Variants in PADI2 observed in about 807,000 individuals in gnomAD.
PADI2 encodes the protein peptidyl arginine deiminase 2.
In PADI2, 70 loss-of-function variants were observed where a neutral mutation model predicts 81.1. The ratio of observed to expected loss-of-function variants is 0.86; its 90% CI spans 0.71 to 1.05. PADI2 has a LOEUF of 1.05. Among genes scored for constraint, PADI2 ranks in the 50% least tolerant of loss-of-function variants. The pLI is 0.00. For synonymous variants in PADI2, 338 were observed against 358.0 expected, an observed-to-expected ratio of 0.94 and a Z score of 0.63; for missense variants, 853 against 889.9, an observed-to-expected ratio of 0.96 and a Z score of 0.53.
At chr1:17,085,591 C>G (rs1050032181) in intron 7 of PADI2, among the ~76,000 whole-genome samples, 1 of 152,204 alleles carries the variant, frequency 6.6e-6, no homozygotes, top group African/African-American at 2.4e-5. Flanking sequence ...AACTTTTGGA[C>G]GTTCTGTCTT....
Position 17,083,624 on chromosome 1 carries a change from C to T in PADI2, c.1050+102G>A, listed in dbSNP as rs186162907. ...AGATATGAGCTGACAGAAGAATCCC[C>T]ATCTGCAGAGCTGCTGGGTGCCAGG... On this transcript the variant is annotated intron_variant, in intron 9 of 15. Coordinates refer to ENST00000375486, the MANE Select transcript of PADI2 (RefSeq NM_007365.3). 15 of 741,210 alleles carry T rather than the reference C, an allele frequency of 2.0e-5. 1 individual carries two copies. The African/African-American group carries it at 2.1e-4, about 10-fold the overall frequency. 45.9% of individuals were successfully genotyped at this position (741,210 alleles called of 1,614,324 possible).
chr1:17,104,938 C>T lies in PADI2; in HGVS notation c.216G>A (p.Ser72=), dbSNP rs760034590. 23 of 1,606,086 alleles carry T rather than the reference C, an allele frequency of 1.4e-5. No homozygotes were observed. Among genetic ancestry groups the T allele is most frequent in the East Asian group, 6.7e-5 (3 of 44,760 alleles). Residue 72 remains serine, a synonymous_variant, in exon 2 of 16, where the codon TCG becomes TCA. Coordinates refer to ENST00000375486, the MANE Select transcript of PADI2 (RefSeq NM_007365.3). ...ATNGKQRWLL[S]PSTTLRVTMS... ...TGGTGACCCGCAGGGTGGTGCTGGG[C>T]GAGAGAAGCCAGCGCTGCTTGCCAT... is the stretch of plus-strand genomic sequence containing the variant.
rs117981581 is a variant in PADI2 at position 17,112,706 on chromosome 1, G to A, written c.92+6574C>T. On this transcript the variant is annotated intron_variant, in intron 1 of 15. Coordinates refer to ENST00000375486, the MANE Select transcript of PADI2 (RefSeq NM_007365.3). ...GGGATCAGTGGAGGCAAACAATGAC[G>A]TCTGCCTTCAGCCAGCTTCCCTCAC... 1.2e-3 allele frequency among the ~76,000 whole-genome samples: 186 copies of A among 152,284 alleles called. 1 individual carries two copies. The East Asian group carries it at 0.026, about 22-fold the overall frequency.
At chr1:17,090,775 C>G (rs1034310107) in intron 6 of PADI2, among the ~76,000 whole-genome samples, 1 of 151,998 alleles carries the variant, frequency 6.6e-6, no homozygotes, top group African/African-American at 2.4e-5. Context: ...AGTAGTTCCT[C>G]TTTTTTCTTG....
intron 10 of PADI2, among the ~76,000 whole-genome samples, chr1:17,079,918 C>G (rs752832896): frequency 4.6e-5 from 7 of 151,868 alleles, no homozygotes; most frequent in African/African-American, 9.7e-5. Flanking sequence ...CTCAGCCTCC[C>G]CAGTGGCTAG....
At position 17,095,897 on chromosome 1, in the gene PADI2, A is replaced by C; in HGVS notation, c.411+12T>G. 1 of 1,605,340 alleles carries C rather than the reference A, an allele frequency of 6.2e-7. No individual in the cohort carries two copies. Among genetic ancestry groups the C allele is most frequent in the Non-Finnish European group, 8.5e-7 (1 of 1,175,316 alleles). On this transcript the variant is annotated intron_variant, in intron 4 of 15. Transcript: ENST00000375486. The stretch of plus-strand genomic sequence containing the variant: ...TGGGTTCAGGGTGGTGCCTGCCCTG[A>C]AAGCTAGGTACCTTCTTTGGGTTGT...
intron 3 of PADI2, among the ~76,000 whole-genome samples, chr1:17,102,199 G>A (rs1931167464): frequency 6.6e-6 from 1 of 152,204 alleles, no homozygotes; most frequent in African/African-American, 2.4e-5. Flanking sequence ...CCTCTGAAAT[G>A]TCCTCTTGGC....
chr1:17,082,676 G>A (rs2078353381), intron 9 of PADI2, 24 bp from the exon 10 acceptor site: 2 of 1,418,014 alleles, frequency 1.4e-6, no homozygotes, highest in Non-Finnish European at 2.0e-6. Flanking sequence ...AAGGAGAACT[G>A]TTAGACGAAT....
At chr1:17,101,043 G>A (rs1464551820) in intron 3 of PADI2, among the ~76,000 whole-genome samples, 3 of 151,918 alleles carry the variant, frequency 2.0e-5, no homozygotes, top group East Asian at 3.9e-4. Flanking sequence ...TGGGGGGTGG[G>A]GGCAGGGGAC....
Position 17,104,890 on chromosome 1 carries a change from G to A in PADI2, c.264C>T (p.Ala88=). The A allele has an allele frequency of 6.3e-7, 1 of 1,578,238 alleles. No homozygotes were observed. The highest frequency in any genetic ancestry group is 8.6e-7 in the Non-Finnish European group (1 of 1,161,380). ...CCCGCCGTGGTACCTTGTCACTGCT[G>A]GCCTCGGTGCTCGCCTGGCTCATGG... ...RVTMSQASTE[A]SSDKVTVNYY... is the part of the protein sequence containing the mutation. The change falls in exon 2 of 16, where the codon GCC becomes GCT. Residue 88 remains alanine, a synonymous_variant. Coordinates refer to ENST00000375486, the MANE Select transcript of PADI2 (RefSeq NM_007365.3).
intron 10 of PADI2, 100 bp from the exon 11 acceptor site, chr1:17,079,515 G>T: frequency 9.9e-7 from 1 of 1,014,564 alleles, no homozygotes; most frequent in Non-Finnish European, 1.5e-6. Context: ...GGGTCTGTGG[G>T]CACCCAGTTT....
intron 6 of PADI2, among the ~76,000 whole-genome samples, chr1:17,087,958 G>C (rs1025359509): frequency 6.6e-6 from 1 of 152,244 alleles, no homozygotes; most frequent in African/African-American, 2.4e-5. Context: ...GAGACCAAGG[G>C]GGAATTTTCA....
chr1:17,086,436 G>T, intron 7 of PADI2, 85 bp downstream of exon 7: 1 of 1,159,866 alleles, frequency 8.6e-7, no homozygotes, highest in Non-Finnish European at 1.2e-6. Flanking sequence ...GCAGGGTGGA[G>T]CATAGCATAG....
chr1:17,074,676 G>A (rs2078288356), intron 13 of PADI2, among the ~76,000 whole-genome samples, 180 bp downstream of exon 13: 1 of 152,338 alleles, frequency 6.6e-6, no homozygotes, highest in Middle Eastern at 3.4e-3. Flanking sequence ...CACAGCAAGG[G>A]TCACAGGAGG....
At chr1:17,071,574 T>C (rs875218) in intron 13 of PADI2, 83 bp from the exon 14 acceptor site, 683,563 of 1,081,778 alleles carry the variant, frequency 0.63, 218,266 homozygotes, top group Middle Eastern at 0.72. Flanking sequence ...CCTCCAGGCC[T>C]GGGCTAACTG....
At chr1:17,086,767 C>T (rs1158583510) in intron 6 of PADI2, 68 bp from the exon 7 acceptor site, 8 of 1,400,792 alleles carry the variant, frequency 5.7e-6, no homozygotes, top group South Asian at 3.7e-5. Flanking sequence ...GTGGGATCAC[C>T]GATGGGGACA....
Position 17,074,493 on chromosome 1 carries a change from C to T in PADI2, c.1549+363G>A, listed in dbSNP as rs115645027. 3.5e-3 allele frequency among the ~76,000 whole-genome samples: 534 copies of T among 152,270 alleles called. 2 individuals carry two copies. Among genetic ancestry groups the T allele is most frequent in the Non-Finnish European group, 5.3e-3 (361 of 68,008 alleles). On this transcript the variant is annotated intron_variant, in intron 13 of 15. Transcript: ENST00000375486. Reference sequence around the variant, plus strand: ...CAAGTGATCCTCTTTCTTCAGCCTCCAAAGGTGTTGGAATTGTAGGCATGA... The same window carrying T: ...CAAGTGATCCTCTTTCTTCAGCCTCTAAAGGTGTTGGAATTGTAGGCATGA...
In PADI2 at chr1:17,091,495, C is replaced by T. The variant is rs374427164; in HGVS notation, c.655+913G>A. ...CAGTCTGCATGCTCTGGCCCCTGGC[C>T]GAGCTGACTGACCTTGACTCCCAGC... On this transcript the variant is annotated intron_variant, in intron 6 of 15. Transcript: ENST00000375486. Among the ~76,000 whole-genome samples the T allele has an allele frequency of 4.7e-4, 71 of 152,224 alleles. 1 individual carries two copies. The East Asian group carries it at 8.5e-3, about 18-fold the overall frequency.
intron 3 of PADI2, among the ~76,000 whole-genome samples, chr1:17,101,415 G>A (rs1931138932): frequency 6.6e-6 from 1 of 152,148 alleles, no homozygotes; most frequent in Non-Finnish European, 1.5e-5. Flanking sequence ...CCCTATCTTG[G>A]TGGGATTAGG....
Sources: gnomAD v4.1 joint callset for allele counts (sites outside exome capture counted in the v4.1 genomes callset) on GRCh38, gnomAD v4.1.1 for gene constraint, MANE v1.5 for transcripts, NCBI Gene and HGNC (gene_info 2026-07-23, HGNC 2026-07-21) for gene names.